Variants in COL12A1 observed in about 807,000 individuals in gnomAD.
COL12A1 encodes the protein collagen alpha-1(XII) chain.
In COL12A1, 114 loss-of-function variants were observed where a neutral mutation model predicts 349.7. That is an observed-to-expected ratio of 0.33 (90% confidence interval 0.28 to 0.38). The LOEUF (loss-of-function observed/expected upper bound fraction) is 0.38. Among genes scored for constraint, COL12A1 ranks in the 10% least tolerant of loss-of-function variants. The pLI, the probability that COL12A1 is intolerant of heterozygous loss-of-function variation, is 1.00. For synonymous variants in COL12A1, 1,369 were observed against 1,329.0 expected (o/e 1.03, Z -0.66); for missense variants, 3,284 against 3,756.9 (o/e 0.87, Z 3.29).
chr6:75,196,458 C>T (rs1474847), intron 2 of COL12A1, among the ~76,000 whole-genome samples: 121,734 of 152,186 alleles, frequency 0.8, 50,941 homozygotes, highest in Non-Finnish European at 0.93. Flanking sequence ...TGGACTGCTG[C>T]GTCCAACTGT....
chr6:75,134,229 T>A (rs1766465550), intron 32 of COL12A1, among the ~76,000 whole-genome samples: 1 of 152,130 alleles, frequency 6.6e-6, no homozygotes, highest in Non-Finnish European at 1.5e-5. Flanking sequence ...GAAAGTAACA[T>A]CTTTCTCCAC....
At chr6:75,147,121 T>C (rs1235231819) in intron 23 of COL12A1, among the ~76,000 whole-genome samples, 1 of 152,198 alleles carries the variant, frequency 6.6e-6, no homozygotes, top group Non-Finnish European at 1.5e-5. Flanking sequence ...TTAGAGTTTC[T>C]CTAGCAAAGA....
Position 75,090,037 on chromosome 6 carries a change from C to G in COL12A1, c.8941+73G>C, listed in dbSNP as rs776007958. On this transcript the variant is annotated intron_variant, in intron 63 of 65. Coordinates refer to ENST00000322507, the MANE Select transcript of COL12A1 (RefSeq NM_004370.6). This position sits in a 1 kb window ranked among gnomAD's most constrained non-coding sequence, Gnocchi z 4.1. ...GTTTGCCTAGGTCACCTTTCAGATG[C>G]CTTCAACCTGTCCCAACTCCTACAT... 3.9e-6 allele frequency: 6 copies of G among 1,534,848 alleles called. No individual in the cohort carries two copies. The highest frequency in any genetic ancestry group is 5.4e-6 in the Non-Finnish European group (6 of 1,118,566).
At chr6:75,102,560 A>C in intron 56 of COL12A1, 37 bp downstream of exon 56, 2 of 1,380,942 alleles carry the variant, frequency 1.4e-6, no homozygotes, top group Non-Finnish European at 1.9e-6. Context: ...ATGTTTATCC[A>C]CCACTCTCAT....
chr6:75,087,602 G>T lies in COL12A1; in HGVS notation c.9156C>A (p.Ile3052=). 6.2e-7 allele frequency: 1 copy of T among 1,613,920 alleles called. No homozygotes were observed. Among genetic ancestry groups the T allele is most frequent in the Non-Finnish European group, 8.5e-7 (1 of 1,179,896 alleles). Residue 3052 remains isoleucine (I), a synonymous_variant, in exon 65 of 66, where the codon ATC becomes ATA. Transcript: ENST00000322507. ...GYCDSSQCAS[I]PYNGQGYPGS... Reference sequence around the variant, plus strand: ...CTGGATAGCCTTGCCCGTTGTATGGGATGCTGGCACACTGAGAAGAATCAC... The same window carrying T: ...CTGGATAGCCTTGCCCGTTGTATGGTATGCTGGCACACTGAGAAGAATCAC...
chr6:75,126,497 C>G, intron 38 of COL12A1, 27 bp from the exon 39 acceptor site: 5 of 1,601,034 alleles, frequency 3.1e-6, no homozygotes, highest in Middle Eastern at 3.3e-4. Flanking sequence ...ACACACATTA[C>G]TGACCTTTTA....
chr6:75,090,092 G>A lies in COL12A1; in HGVS notation c.8941+18C>T, dbSNP rs368092763. 1.0e-4 allele frequency: 168 copies of A among 1,611,870 alleles called. 1 individual carries two copies. The African/African-American group carries it at 2.1e-3, about 20-fold the overall frequency. On this transcript the variant is annotated intron_variant, in intron 63 of 65. Coordinates refer to ENST00000322507, the MANE Select transcript of COL12A1 (RefSeq NM_004370.6). The surrounding 1 kb of genome is among the most constrained non-coding windows in gnomAD (Gnocchi z 4.1). ...AAATTCCTTCCTTTATCCCAATACA[G>A]AAGCCAGAAATGCCTACCTCGTTCC...
intron 52 of COL12A1, among the ~76,000 whole-genome samples, chr6:75,106,885 TCTTTTTTC>T (rs1562125047): frequency 6.0e-5 from 2 of 33,422 alleles, no homozygotes; most frequent in East Asian, 7.8e-4. Flanking sequence ...TTTTTTTTTT[TCTTTTTTC>T]TTTTTCTTTT....
At chr6:75,087,349 G>A in intron 65 of COL12A1, 1 of 487,942 alleles carries the variant, frequency 2.0e-6, no homozygotes, top group Admixed American at 3.9e-5. Flanking sequence ...TTTATGATGT[G>A]ATTTGGTAAA....
chr6:75,172,705 G>A (rs142544857), intron 13 of COL12A1, among the ~76,000 whole-genome samples: 266 of 152,216 alleles, frequency 1.7e-3, no homozygotes, highest in African/African-American at 6.2e-3. Flanking sequence ...GTGTATTTAA[G>A]GCAATTTCTG....
chr6:75,204,995 T>C (rs1770709845), intron 1 of COL12A1, among the ~76,000 whole-genome samples: 1 of 151,752 alleles, frequency 6.6e-6, no homozygotes, highest in Non-Finnish European at 1.5e-5. Flanking sequence ...GCTCCCGAGG[T>C]CGCCCGCTTG....
At chr6:75,116,159 T>A in intron 47 of COL12A1, 102 bp from the exon 48 acceptor site, 12 of 1,092,356 alleles carry the variant, frequency 1.1e-5, no homozygotes, top group Non-Finnish European at 1.6e-5. Flanking sequence ...ATAAATGACA[T>A]TGTTCATTTA....
chr6:75,181,055 C>T lies in COL12A1; in HGVS notation c.2048G>A (p.Ser683Asn), dbSNP rs1478457469. ...CAGGCTGCTGAGAACAACACTGGTG[C>T]TCGATGCTGGCTCCACCACAGTGAC... ...DEVTVVEPASSTSVVLSSLKP... is the reference protein window; with the variant it reads ...DEVTVVEPASNTSVVLSSLKP... Residue 683 changes from serine to asparagine, a missense_variant, in exon 11 of 66, where the codon AGC (serine) becomes AAC (asparagine). By Grantham distance (46) the Ser-to-Asn change is conservative (BLOSUM62 1). Around this residue, in one of 2 missense-constraint regions of COL12A1, gnomAD observed 2,601 missense variants for 2,824.8 expected, o/e 0.92. Transcript: ENST00000322507. 6.2e-7 allele frequency: 1 copy of T among 1,614,026 alleles called. No individual in the cohort carries two copies. Among genetic ancestry groups the T allele is most frequent in the Non-Finnish European group, 8.5e-7 (1 of 1,179,996 alleles).
chr6:75,172,569 G>A (rs182604791), intron 13 of COL12A1, among the ~76,000 whole-genome samples: 16 of 152,300 alleles, frequency 1.1e-4, no homozygotes, highest in Admixed American at 5.2e-4. Flanking sequence ...TATGCTAAAA[G>A]ATTGTGGAAA....
chr6:75,145,501 T>C (rs1386110370), intron 24 of COL12A1, 46 bp from the exon 25 acceptor site: 2 of 1,587,684 alleles, frequency 1.3e-6, no homozygotes, highest in African/African-American at 2.7e-5. Context: ...CAAATCAAAC[T>C]TTTCCATTTA....
At chr6:75,192,671 G>A (rs1201944891) in intron 3 of COL12A1, among the ~76,000 whole-genome samples, 1 of 152,040 alleles carries the variant, frequency 6.6e-6, no homozygotes, top group Non-Finnish European at 1.5e-5. Context: ...ACTAATGGTA[G>A]ATAACAGTTT....
At chr6:75,203,041 A>G (rs1359093425) in intron 1 of COL12A1, among the ~76,000 whole-genome samples, 1 of 152,226 alleles carries the variant, frequency 6.6e-6, no homozygotes, top group African/African-American at 2.4e-5. Context: ...TTCAAGTTTA[A>G]AAAGGGTCCT....
At chr6:75,158,502 AC>A (rs1213576166) in intron 14 of COL12A1, among the ~76,000 whole-genome samples, 1 of 152,150 alleles carries the variant, frequency 6.6e-6, no homozygotes, top group Non-Finnish European at 1.5e-5. Context: ...CAATAGTAAT[AC>A]CTTTTGTTAT....
chr6:75,181,343 G>A lies in COL12A1; in HGVS notation c.1892-132C>T, dbSNP rs114530162. On this transcript the variant is annotated intron_variant, in intron 10 of 65. Transcript: ENST00000322507. The stretch of plus-strand genomic sequence containing the variant: ...GGTGCTCATTGAGACTACTGTACTG[G>A]GTATCTCATCTACATTTGACCATTG... 2,966 of 834,680 alleles carry A rather than the reference G, an allele frequency of 3.6e-3. 60 individuals carry two copies. The African/African-American group carries it at 0.045, about 13-fold the overall frequency. 51.7% of individuals were successfully genotyped at this position (834,680 alleles called of 1,614,324 possible).
Sources: gnomAD v4.1 joint callset for allele counts (sites outside exome capture counted in the v4.1 genomes callset) on GRCh38, gnomAD v4.1.1 for gene constraint, gnomAD v4.1.1 regional missense constraint, Gnocchi (gnomAD v3.1) non-coding constraint, MANE v1.5 for transcripts, NCBI Gene and HGNC (gene_info 2026-07-23, HGNC 2026-07-21) for gene names.